The following LDLRAD3 variants were observed in gnomAD, a reference collection of about 807,000 sequenced individuals.
The protein encoded by LDLRAD3 is low density lipoprotein receptor class A domain containing 3, also known as low-density lipoprotein receptor class A domain-containing protein 3.
Under a neutral mutation model 29.4 loss-of-function variants are expected in LDLRAD3, and 20 were observed. The observed-to-expected ratio is 0.68, with a 90% confidence interval of 0.48 to 0.99. The LOEUF (loss-of-function observed/expected upper bound fraction) is 0.99. Ranked by LOEUF, LDLRAD3 falls within the 50% of genes least tolerant of loss-of-function variation. The pLI, the probability that LDLRAD3 is intolerant of heterozygous loss-of-function variation, is 0.00. For synonymous variants in LDLRAD3, 157 were observed against 192.7 expected, an observed-to-expected ratio of 0.81 and a Z score of 1.53; for missense variants, 420 against 454.3, an observed-to-expected ratio of 0.92 and a Z score of 0.69.
At chr11:36,222,612 G>C (rs899854857) in intron 4 of LDLRAD3, among the ~76,000 whole-genome samples, 1 of 152,132 alleles carries the variant, frequency 6.6e-6, no homozygotes, top group East Asian at 1.9e-4. Context: ...TGCATCTGGA[G>C]GAGGGGATTT....
chr11:36,017,864 G>A (rs1565164685), intron 1 of LDLRAD3, among the ~76,000 whole-genome samples: 1 of 152,120 alleles, frequency 6.6e-6, no homozygotes, highest in African/African-American at 2.4e-5. Context: ...TATGCTTCAG[G>A]ATCTTGGTCC....
At chr11:36,127,130 G>A (rs1240878487) in intron 4 of LDLRAD3, among the ~76,000 whole-genome samples, 1 of 152,238 alleles carries the variant, frequency 6.6e-6, no homozygotes, top group African/African-American at 2.4e-5. Context: ...GTCAACACTT[G>A]ATCTTGCAAT....
Position 36,067,702 on chromosome 11 carries a change from G to T in LDLRAD3, c.194-13951G>T, listed in dbSNP as rs192525877. ...TAACTTTTTTTTGAGACAGGATCTT[G>T]CTCTGTCACCCACGCTAGAGTGCAT... On this transcript the variant is annotated intron_variant, in intron 2 of 5. Transcript: ENST00000315571. Among the ~76,000 whole-genome samples, 1,165 of 152,284 alleles carry T rather than the reference G, an allele frequency of 7.7e-3. 47 individuals carry two copies. Among genetic ancestry groups the T allele is most frequent in the Admixed American group, 0.07 (1,071 of 15,300 alleles).
intron 4 of LDLRAD3, among the ~76,000 whole-genome samples, chr11:36,153,458 C>A (rs1368360259): frequency 1.3e-5 from 2 of 152,094 alleles, no homozygotes; most frequent in Non-Finnish European, 2.9e-5. Flanking sequence ...TTGGGGGTAT[C>A]TCTGCTTTCC....
intron 4 of LDLRAD3, among the ~76,000 whole-genome samples, chr11:36,183,187 G>A (rs190330177): frequency 2.6e-5 from 4 of 152,244 alleles, no homozygotes; most frequent in Non-Finnish European, 4.4e-5. Context: ...CTAGACACAC[G>A]GTGTTAGTTA....
chr11:36,076,746 T>G (rs1249512850), intron 2 of LDLRAD3, among the ~76,000 whole-genome samples: 1 of 152,206 alleles, frequency 6.6e-6, no homozygotes, highest in Non-Finnish European at 1.5e-5. Flanking sequence ...ACAATATATT[T>G]ACATATTTGT....
intron 4 of LDLRAD3, among the ~76,000 whole-genome samples, chr11:36,120,310 A>G (rs1050454452): frequency 6.6e-6 from 1 of 152,104 alleles, no homozygotes; most frequent in Admixed American, 6.6e-5. Context: ...TTATAACACC[A>G]CACACGTCTC....
At chr11:36,197,126 G>A (rs1322760489) in intron 4 of LDLRAD3, 1 of 152,168 alleles carries the variant, frequency 6.6e-6, no homozygotes, top group Admixed American at 6.5e-5. Context: ...TGTGAACCAT[G>A]TATGGGGCAT....
At chr11:35,998,515 TAAAC>T (rs1461537213) in intron 1 of LDLRAD3, among the ~76,000 whole-genome samples, 2 of 152,152 alleles carry the variant, frequency 1.3e-5, no homozygotes, top group African/African-American at 4.8e-5. Context: ...CAGGCTGATC[TAAAC>T]AAACAAACAA....
rs559271380 is a variant in LDLRAD3, at chr11:36,068,440, G to A, written c.194-13213G>A. 5.3e-5 allele frequency among the ~76,000 whole-genome samples: 8 copies of A among 152,232 alleles called. No homozygotes were observed. In the South Asian group the frequency reaches 1.0e-3, roughly 20 times the overall value. Reference sequence around the variant, plus strand: ...TTATCTTCCTTTTACAGATGGGGACGCTGAGGCTGAGGGAAGTTAAGTGAT... The same window carrying A: ...TTATCTTCCTTTTACAGATGGGGACACTGAGGCTGAGGGAAGTTAAGTGAT... On this transcript the variant is annotated intron_variant, in intron 2 of 5. Transcript: ENST00000315571.
intron 4 of LDLRAD3, among the ~76,000 whole-genome samples, chr11:36,180,338 A>G (rs1391386275): frequency 6.6e-6 from 1 of 152,056 alleles, no homozygotes; most frequent in Non-Finnish European, 1.5e-5. Context: ...CATTTACTCA[A>G]CATACACTTG....
At chr11:36,155,353 TG>T (rs1465455045) in intron 4 of LDLRAD3, among the ~76,000 whole-genome samples, 1 of 152,222 alleles carries the variant, frequency 6.6e-6, no homozygotes, top group African/African-American at 2.4e-5. Flanking sequence ...CTCAAAATGT[TG>T]CCAGAAATTC....
At chr11:35,993,971 T>A (rs1165799295) in intron 1 of LDLRAD3, among the ~76,000 whole-genome samples, 1 of 152,154 alleles carries the variant, frequency 6.6e-6, no homozygotes, top group Non-Finnish European at 1.5e-5. Flanking sequence ...TCACATAGAT[T>A]TAAAGGTTTT....
At chr11:35,948,992 T>A (rs1851096780) in intron 1 of LDLRAD3, among the ~76,000 whole-genome samples, 1 of 152,138 alleles carries the variant, frequency 6.6e-6, no homozygotes, top group African/African-American at 2.4e-5. Context: ...TTGCCATGCA[T>A]CTTGAGCATC....
intron 1 of LDLRAD3, among the ~76,000 whole-genome samples, chr11:36,025,889 C>T (rs1308831517): frequency 2.0e-5 from 3 of 149,952 alleles, no homozygotes; most frequent in African/African-American, 7.4e-5. Context: ...TAGCGATTCT[C>T]CTGCCCTATC....
chr11:36,024,233 C>T (rs150855548), intron 1 of LDLRAD3, among the ~76,000 whole-genome samples: 2 of 152,286 alleles, frequency 1.3e-5, no homozygotes, highest in Non-Finnish European at 2.9e-5. Context: ...ATTTATTAAA[C>T]CCCAAGTATA....
In LDLRAD3 at chr11:36,203,169, C is replaced by A. The variant is rs562725681; in HGVS notation, c.455-23916C>A. On this transcript the variant is annotated intron_variant, in intron 4 of 5. Coordinates refer to ENST00000315571, the MANE Select transcript of LDLRAD3 (RefSeq NM_174902.4). ...CCAGGCTGGAGTACGGTAGTGCAAT[C>A]ATAGTTCACCGTGACCTTGAACTCT... is the stretch of plus-strand genomic sequence containing the variant. 2.6e-5 allele frequency among the ~76,000 whole-genome samples: 4 copies of A among 152,240 alleles called. No individual in the cohort carries two copies. In the East Asian group the frequency reaches 7.8e-4, roughly 30 times the overall value.
At chr11:35,967,798 A>G in intron 1 of LDLRAD3, 1 of 449,432 alleles carries the variant, frequency 2.2e-6, no homozygotes, top group Non-Finnish European at 4.4e-6. Flanking sequence ...TAGTGTTTTC[A>G]GATATAGCAG....
At chr11:36,151,143 G>A (rs11033466) in intron 4 of LDLRAD3, among the ~76,000 whole-genome samples, 101,846 of 151,900 alleles carry the variant, frequency 0.67, 34,607 homozygotes, top group East Asian at 0.93. Flanking sequence ...GAGGTTTCCA[G>A]TTGTTCAAAT....
Sources: allele counts gnomAD v4.1 joint callset (sites outside exome capture counted in the v4.1 genomes callset), GRCh38; gene constraint gnomAD v4.1.1; transcripts MANE v1.5; gene names NCBI Gene and HGNC (gene_info 2026-07-23, HGNC 2026-07-21).